SNTG1: variants seen among roughly 807,000 people sequenced by gnomAD.
SNTG1 encodes syntrophin gamma 1.
In SNTG1, 39 loss-of-function variants were observed where a neutral mutation model predicts 74.7. That is an observed-to-expected ratio of 0.52 (90% CI 0.40 to 0.68). SNTG1 has a LOEUF of 0.68. SNTG1 is among the 30% of genes least tolerant of loss of function. The pLI is 0.00. For missense variants in SNTG1, 685 were observed against 609.5 expected, an observed-to-expected ratio of 1.12 and a Z score of -1.30; for synonymous variants, 254 against 217.1, an observed-to-expected ratio of 1.17 and a Z score of -1.49.
intron 18 of SNTG1, among the ~76,000 whole-genome samples, chr8:50,784,932 T>G (rs2095670374): frequency 6.6e-6 from 1 of 152,102 alleles, no homozygotes; most frequent in African/African-American, 2.4e-5. Context: ...ATGAGGATAT[T>G]AAAAGCAAAT....
intron 1 of SNTG1, among the ~76,000 whole-genome samples, chr8:50,140,046 A>G (rs375600791): frequency 6.6e-6 from 1 of 152,218 alleles, no homozygotes; most frequent in African/African-American, 2.4e-5. Flanking sequence ...TGCTGGAGTA[A>G]ATGGCCGCGA....
At chr8:50,218,740 G>C (rs533474266) in intron 2 of SNTG1, among the ~76,000 whole-genome samples, 181 of 152,138 alleles carry the variant, frequency 1.2e-3, no homozygotes, top group Non-Finnish European at 2.3e-3. Flanking sequence ...CAATGTAGAA[G>C]ACTACTTGCC....
intron 4 of SNTG1, among the ~76,000 whole-genome samples, chr8:50,407,844 A>G (rs1219810109): frequency 6.6e-6 from 1 of 152,124 alleles, no homozygotes; most frequent in Non-Finnish European, 1.5e-5. Flanking sequence ...GGTTGTACTG[A>G]CTGGTTGGAT....
intron 1 of SNTG1, among the ~76,000 whole-genome samples, chr8:49,935,220 T>A (rs1396414096): frequency 6.7e-6 from 1 of 150,128 alleles, no homozygotes; most frequent in Non-Finnish European, 1.5e-5. Flanking sequence ...TGTGTGTGTG[T>A]GTGTGTGTGT....
At chr8:50,747,964 T>G (rs1005947919) in intron 17 of SNTG1, 1 of 151,950 alleles carries the variant, frequency 6.6e-6, no homozygotes, top group East Asian at 1.9e-4. Context: ...GACACAATTT[T>G]TTTTTAAATG....
chr8:50,204,053 T>C (rs2084099486), intron 2 of SNTG1, among the ~76,000 whole-genome samples: 1 of 152,140 alleles, frequency 6.6e-6, no homozygotes, highest in Non-Finnish European at 1.5e-5. Flanking sequence ...TAGATACATT[T>C]TGTATACAGA....
intron 1 of SNTG1, among the ~76,000 whole-genome samples, chr8:49,922,406 G>T (rs913140231): frequency 1.3e-5 from 2 of 152,062 alleles, no homozygotes; most frequent in East Asian, 1.9e-4. Flanking sequence ...TAACCCAAAA[G>T]AATTAATGTA....
rs561991112 is a variant in SNTG1, at chr8:50,318,912, T to A, written c.-27-75300T>A. Among the ~76,000 whole-genome samples the A allele has an allele frequency of 4.6e-5, 7 of 151,960 alleles. No individual in the cohort carries two copies. The South Asian group carries it at 1.5e-3, about 31-fold the overall frequency. On this transcript the variant is annotated intron_variant, in intron 2 of 18. Coordinates refer to ENST00000642720, the MANE Select transcript of SNTG1 (RefSeq NM_018967.5). ...TATTTCAATTCTATAATTCTTACGT[T>A]TTATCAATAGAATACATATATGTGT... is the stretch of plus-strand genomic sequence containing the variant.
chr8:50,060,722 T>G (rs1190826737), intron 1 of SNTG1, among the ~76,000 whole-genome samples: 3 of 152,134 alleles, frequency 2.0e-5, no homozygotes, highest in African/African-American at 7.2e-5. Flanking sequence ...CTAGTTGAGG[T>G]ATTTTTCCAT....
intron 4 of SNTG1, among the ~76,000 whole-genome samples, chr8:50,417,531 A>G (rs1398093577): frequency 2.6e-5 from 4 of 152,170 alleles, no homozygotes; most frequent in Non-Finnish European, 5.9e-5. Context: ...GAGATGTTAT[A>G]TAATTGCCTG....
At chr8:50,500,498 C>T (rs2093942354) in intron 8 of SNTG1, among the ~76,000 whole-genome samples, 1 of 151,982 alleles carries the variant, frequency 6.6e-6, no homozygotes, top group South Asian at 2.1e-4. Context: ...CTTCAAAATC[C>T]TTGTCAGAGA....
chr8:50,659,363 G>T (rs959477762), intron 15 of SNTG1, among the ~76,000 whole-genome samples: 5 of 152,128 alleles, frequency 3.3e-5, no homozygotes, highest in African/African-American at 1.2e-4. Flanking sequence ...ACTCACCACA[G>T]ATTGATAATT....
chr8:50,645,165 TAATGAACCTTGAAACATATAGAAAA>T (rs1184555252), intron 13 of SNTG1, among the ~76,000 whole-genome samples: 200 of 7,146 alleles, frequency 0.028, 1 homozygote, highest in African/African-American at 0.12. Context: ...GAAGGTTCTA[TAATGAACCTTGAAACATATAGAAAA>T]TATGTTTATT....
intron 1 of SNTG1, among the ~76,000 whole-genome samples, chr8:50,091,943 C>G (rs2079754557): frequency 6.6e-6 from 1 of 151,830 alleles, no homozygotes; most frequent in African/African-American, 2.4e-5. Flanking sequence ...ATAGCAATGA[C>G]AAAATATAAA....
chr8:49,913,291 C>T lies in SNTG1; in HGVS notation c.-103+1060C>T, dbSNP rs193195479. On this transcript the variant is annotated intron_variant, in intron 1 of 18. Transcript: ENST00000642720. ...TCAACTCTGTGAAAAGAGTCTACCC[C>T]TTTGAAAAATTACAGGAGATCTTTA... Among the ~76,000 whole-genome samples, 200 of 152,284 alleles carry T rather than the reference C, an allele frequency of 1.3e-3. 1 individual carries two copies. Among genetic ancestry groups the T allele is most frequent in the African/African-American group, 4.7e-3 (194 of 41,544 alleles).
intron 2 of SNTG1, among the ~76,000 whole-genome samples, chr8:50,352,762 C>A (rs1052410323): frequency 2.6e-5 from 4 of 152,170 alleles, no homozygotes; most frequent in African/African-American, 7.2e-5. Flanking sequence ...AGTTGAAATT[C>A]TCTTGCCTTG....
chr8:50,086,095 AT>A (rs1822859486), intron 1 of SNTG1, among the ~76,000 whole-genome samples: 1 of 152,146 alleles, frequency 6.6e-6, no homozygotes, highest in Non-Finnish European at 1.5e-5. Context: ...AGCTTTCATG[AT>A]TTTCTTGAGG....
At chr8:50,634,971 G>A (rs574407430) in intron 13 of SNTG1, among the ~76,000 whole-genome samples, 8 of 152,182 alleles carry the variant, frequency 5.3e-5, no homozygotes, top group African/African-American at 1.7e-4. Context: ...TGTACCTTTG[G>A]GATTGGTCTA....
chr8:50,462,796 C>CTTTTTTTTTTTTTTTTTTTTTTTTTT lies in SNTG1; in HGVS notation c.363+12081_363+12106dup, dbSNP rs869119447. 1.0e-4 allele frequency among the ~76,000 whole-genome samples: 6 copies of CTTTTTTTTTTTTTTTTTTTTTTTTTT among 57,410 alleles called. 1 individual carries two copies. The highest frequency in any genetic ancestry group is 4.9e-4 in the Admixed American group (2 of 4,052). 37.7% of individuals were successfully genotyped at this position (57,410 alleles called of 152,430 possible). ...CTCAGTCGCATCTTCAGGTTCTACT[C>CTTTTTTTTTTTTTTTTTTTTTTTTTT]TTTTTTTTTTTTTTTTTTTTTTTTT... On this transcript the variant is annotated intron_variant, in intron 8 of 18. Transcript: ENST00000642720.
Sources: gnomAD v4.1 joint callset for allele counts (sites outside exome capture counted in the v4.1 genomes callset) on GRCh38, gnomAD v4.1.1 for gene constraint, MANE v1.5 for transcripts, NCBI Gene and HGNC (gene_info 2026-07-23, HGNC 2026-07-21) for gene names.